The following SYNE1 variants were observed in gnomAD, a reference collection of about 807,000 sequenced individuals.
The protein encoded by SYNE1 is spectrin repeat containing nuclear envelope protein 1.
SYNE1 carries 616 observed loss-of-function variants against 1,111.0 expected under a neutral mutation model. That is an observed-to-expected ratio of 0.55 (90% CI 0.52 to 0.59). The LOEUF (loss-of-function observed/expected upper bound fraction) is 0.59, where lower values mean the gene tolerates loss of function less well. Among genes scored for constraint, SYNE1 ranks in the 20% least tolerant of loss-of-function variants. The pLI is 0.00. For missense variants in SYNE1, 10,006 were observed against 10,417.0 expected, an observed-to-expected ratio of 0.96 and a Z score of 1.72; for synonymous variants, 3,855 against 3,825.8, an observed-to-expected ratio of 1.01 and a Z score of -0.28.
At chr6:152,231,996 C>T in intron 113 of SYNE1, 120 bp downstream of exon 113, 1 of 725,922 alleles carries the variant, frequency 1.4e-6, no homozygotes, top group South Asian at 1.8e-5. Flanking sequence ...GAATTCCTAT[C>T]TGGTCACTGT....
At position 152,373,393 on chromosome 6, in the gene SYNE1, C is replaced by A. The variant is rs1811616; in HGVS notation, c.9325-174G>T. 0.032 allele frequency among the ~76,000 whole-genome samples: 4,927 copies of A among 152,014 alleles called. 114 individuals are homozygous for A. The highest frequency in any genetic ancestry group is 0.1 in the East Asian group (542 of 5,174). On this transcript the variant is annotated intron_variant, in intron 58 of 145. Coordinates refer to ENST00000367255, the MANE Select transcript of SYNE1 (RefSeq NM_182961.4). ...CTTCTGCGTTCAAGCAATTCTCCTG[C>A]CTCAGCCTCCCAAGTAGCTGGGACT... is the stretch of plus-strand genomic sequence containing the variant.
intron 32 of SYNE1, among the ~76,000 whole-genome samples, chr6:152,436,962 T>C (rs1179796452): frequency 6.6e-6 from 1 of 151,880 alleles, no homozygotes; most frequent in African/African-American, 2.4e-5. Flanking sequence ...GGCCAGGAGT[T>C]TGAGACTAGC....
chr6:152,247,727 T>TTTTA (rs1193626300), intron 105 of SYNE1, among the ~76,000 whole-genome samples: 117 of 117,764 alleles, frequency 9.9e-4, no homozygotes, highest in African/African-American at 3.7e-3. Flanking sequence ...ATATTTTTTA[T>TTTTA]TATATATATA....
At chr6:152,629,063 G>A (rs2099692237) in intron 2 of SYNE1, among the ~76,000 whole-genome samples, 1 of 152,136 alleles carries the variant, frequency 6.6e-6, no homozygotes, top group Non-Finnish European at 1.5e-5. Context: ...AAAAATTTGA[G>A]TTTCAAGTAC....
At chr6:152,218,223 A>G in intron 121 of SYNE1, 34 bp downstream of exon 121, 4 of 1,612,906 alleles carry the variant, frequency 2.5e-6, no homozygotes, top group Non-Finnish European at 3.4e-6. Flanking sequence ...GACAGATGGT[A>G]AAAGATCTGG....
At chr6:152,327,865 C>T (rs766306505) in intron 78 of SYNE1, among the ~76,000 whole-genome samples, 3 of 152,020 alleles carry the variant, frequency 2.0e-5, no homozygotes, top group Admixed American at 6.6e-5. Context: ...ATACTAATAG[C>T]GCTAGAAAAA....
At chr6:152,432,441 A>G (rs1004443161) in intron 34 of SYNE1, among the ~76,000 whole-genome samples, 6 of 152,158 alleles carry the variant, frequency 3.9e-5, no homozygotes, top group Admixed American at 2.6e-4. Context: ...CCTGGTATTC[A>G]TATTCACTTA....
chr6:152,151,426 A>T, intron 135 of SYNE1, 127 bp downstream of exon 135: 9 of 1,168,788 alleles, frequency 7.7e-6, no homozygotes, highest in African/African-American at 1.5e-5. Flanking sequence ...CATTTTCTGA[A>T]TTTTTTTGCA....
In SYNE1 at chr6:152,399,732, T is replaced by G. The variant is rs780506576; in HGVS notation, c.7121A>C (p.Glu2374Ala). 24 of 1,614,164 alleles carry G rather than the reference T, an allele frequency of 1.5e-5. 1 individual carries two copies. In the South Asian group the frequency reaches 2.6e-4, roughly 18 times the overall value. The change falls in exon 48 of 146, where the codon GAG becomes GCG. Residue 2374 changes from glutamate (E) to alanine (A), a missense_variant. Physicochemically the swap from Glu to Ala is moderately radical, Grantham distance 107. Coordinates refer to ENST00000367255, the MANE Select transcript of SYNE1 (RefSeq NM_182961.4). ...NSLCRKYHSA[E>A]LESLGRAMTG... is the part of the protein sequence containing the mutation. The stretch of plus-strand genomic sequence containing the variant: ...CATTGCACGGCCCAGGCTCTCCAAC[T>G]CAGCTGAGTGGTACTTGCGGCACAA...
intron 106 of SYNE1, among the ~76,000 whole-genome samples, 187 bp from the exon 107 acceptor site, chr6:152,242,627 GT>G (rs2086010519): frequency 2.6e-5 from 4 of 152,056 alleles, no homozygotes. Flanking sequence ...TTGAAAACAT[GT>G]TTCACAAAGA....
Position 152,164,163 on chromosome 6 carries a change from C to T in SYNE1, c.23790G>A (p.Gln7930=). ...EEIQRKLNEQ[Q]ELQRDIEKHS... ...ATTCCATTTCCATTTTAAGTCTTAC[C>T]TGCTGCTCATTAAGCTTTCTCTGTA... The change falls in exon 131 of 146, where the codon CAG becomes CAA. Residue 7930 remains glutamine (Q), a splice_region_variant and synonymous_variant. Coordinates refer to ENST00000367255, the MANE Select transcript of SYNE1 (RefSeq NM_182961.4). The T allele has an allele frequency of 6.2e-7, 1 of 1,614,136 alleles. No individual in the cohort carries two copies.
At chr6:152,537,740 T>C (rs1253418152) in intron 4 of SYNE1, among the ~76,000 whole-genome samples, 1 of 152,180 alleles carries the variant, frequency 6.6e-6, no homozygotes, top group Non-Finnish European at 1.5e-5. Context: ...ACTTCCTCTT[T>C]TCCTAATTGA....
In SYNE1 at chr6:152,433,901, C is replaced by T; in HGVS notation, c.4355G>A (p.Gly1452Asp). The T allele has an allele frequency of 6.2e-7, 1 of 1,613,622 alleles. No individual in the cohort carries two copies. The highest frequency in any genetic ancestry group is 8.5e-7 in the Non-Finnish European group (1 of 1,179,754). ...EMVKTKWDHF[G>D]SNFETLSVWI... ...GACGGACAGAGTCTCAAAATTACTG[C>T]CAAAATGATCCCACTTGGTTTTCAC... The change falls in exon 34 of 146, where the codon GGC becomes GAC. Residue 1452 changes from glycine (G) to aspartate (D), a missense_variant. Gly to Asp is a moderately conservative substitution (Grantham distance 94). This residue lies in a region of SYNE1 where 1,971 missense variants were observed against 2,084.1 expected (regional missense o/e 0.95). Transcript: ENST00000367255.
intron 142 of SYNE1, chr6:152,134,762 C>G (rs2056674809): frequency 3.5e-6 from 1 of 283,584 alleles, no homozygotes; most frequent in South Asian, 3.9e-5. Flanking sequence ...TTACTACAAG[C>G]CACCAAATAT....
chr6:152,186,203 T>A (rs1027769050), intron 128 of SYNE1, among the ~76,000 whole-genome samples: 5 of 152,086 alleles, frequency 3.3e-5, no homozygotes, highest in Admixed American at 1.3e-4. Flanking sequence ...TACTGAGGGC[T>A]GAGAATTTCA....
chr6:152,464,216 T>C (rs1378787499), intron 18 of SYNE1, among the ~76,000 whole-genome samples: 1 of 152,176 alleles, frequency 6.6e-6, no homozygotes, highest in East Asian at 1.9e-4. Flanking sequence ...TTCCAACTCA[T>C]TTTAAATAAA....
chr6:152,497,188 A>T (rs1275277359), intron 11 of SYNE1, among the ~76,000 whole-genome samples: 1 of 152,150 alleles, frequency 6.6e-6, no homozygotes, highest in Non-Finnish European at 1.5e-5. Flanking sequence ...GTATCTTTTT[A>T]ATCTCCATCA....
At chr6:152,504,248 G>C (rs141233945) in intron 9 of SYNE1, among the ~76,000 whole-genome samples, 4 of 152,272 alleles carry the variant, frequency 2.6e-5, no homozygotes, top group Non-Finnish European at 1.5e-5. Context: ...AAAGTGGGGT[G>C]GGGGCAGAGT....
intron 45 of SYNE1, among the ~76,000 whole-genome samples, chr6:152,406,055 A>G (rs1430169833): frequency 6.6e-6 from 1 of 152,070 alleles, no homozygotes; most frequent in Non-Finnish European, 1.5e-5. Context: ...TTTCCATTAT[A>G]TTTTCAATGT....
Sources: allele counts gnomAD v4.1 joint callset (sites outside exome capture counted in the v4.1 genomes callset), GRCh38; gene constraint gnomAD v4.1.1; regional missense constraint gnomAD v4.1.1; transcripts MANE v1.5; gene names NCBI Gene and HGNC (gene_info 2026-07-23, HGNC 2026-07-21).